Variants in COL25A1 observed in about 807,000 individuals in gnomAD.
The protein encoded by COL25A1 is collagen alpha-1(XXV) chain.
Under a neutral mutation model 128.4 loss-of-function variants are expected in COL25A1, and 103 were observed. The ratio of observed to expected loss-of-function variants is 0.80; its 90% CI spans 0.68 to 0.94. The LOEUF (loss-of-function observed/expected upper bound fraction) is 0.94, where lower values mean the gene tolerates loss of function less well. Ranked by LOEUF, COL25A1 falls within the 40% of genes least tolerant of loss-of-function variation. The pLI, the probability that COL25A1 is intolerant of heterozygous loss-of-function variation, is 0.00. For missense variants in COL25A1, 745 were observed against 840.0 expected, an observed-to-expected ratio of 0.89 and a Z score of 1.40; for synonymous variants, 279 against 277.2, an observed-to-expected ratio of 1.01 and a Z score of -0.06.
chr4:109,134,579 T>C (rs1389739262), intron 3 of COL25A1, among the ~76,000 whole-genome samples: 1 of 152,122 alleles, frequency 6.6e-6, no homozygotes, highest in Non-Finnish European at 1.5e-5. Context: ...AAGCATGACA[T>C]AGCCCTCAGG....
intron 3 of COL25A1, among the ~76,000 whole-genome samples, chr4:109,178,751 C>T (rs1166793559): frequency 6.9e-6 from 1 of 144,880 alleles, no homozygotes; most frequent in African/African-American, 2.6e-5. Context: ...AGGAGAATGG[C>T]GTGAACCCAG....
Position 108,898,985 on chromosome 4 carries a change from A to ACATATCTC in COL25A1, c.861+168_861+169insGAGATATG, listed in dbSNP as rs1553963383. Among the ~76,000 whole-genome samples the ACATATCTC allele has an allele frequency of 9.5e-4, 139 of 146,322 alleles. 1 individual carries two copies. Among genetic ancestry groups the ACATATCTC allele is most frequent in the Middle Eastern group, 6.8e-3 (2 of 292 alleles). On this transcript the variant is annotated intron_variant, in intron 15 of 37. Coordinates refer to ENST00000399132, the MANE Select transcript of COL25A1 (RefSeq NM_198721.4). ...AAACACAGGAGTCATATCTATATCT[A>ACATATCTC]TATATCTATATATCTATATATCTAT...
chr4:108,942,405 C>A (rs2125930493), intron 8 of COL25A1: 1 of 729,558 alleles, frequency 1.4e-6, no homozygotes, highest in East Asian at 2.8e-5. Context: ...TCTGACATAC[C>A]ATAAACAAAA....
chr4:109,143,330 C>T (rs1008742968), intron 3 of COL25A1, among the ~76,000 whole-genome samples: 2 of 152,210 alleles, frequency 1.3e-5, no homozygotes, highest in East Asian at 1.9e-4. Flanking sequence ...TTCTGGCTGC[C>T]CTTAACGTTT....
At chr4:109,188,300 GA>G (rs1183237037) in intron 3 of COL25A1, among the ~76,000 whole-genome samples, 1 of 152,102 alleles carries the variant, frequency 6.6e-6, no homozygotes, top group Non-Finnish European at 1.5e-5. Flanking sequence ...GAGCTAGAAG[GA>G]AACAACTGGA....
At chr4:109,278,151 T>C (rs1194025781) in intron 3 of COL25A1, among the ~76,000 whole-genome samples, 1 of 150,444 alleles carries the variant, frequency 6.6e-6, no homozygotes, top group African/African-American at 2.4e-5. Flanking sequence ...AAAAAAGAAG[T>C]GCTATTACTT....
chr4:109,144,128 G>A (rs1347393949), intron 3 of COL25A1, among the ~76,000 whole-genome samples: 1 of 152,142 alleles, frequency 6.6e-6, no homozygotes, highest in Admixed American at 6.5e-5. Flanking sequence ...CTGTTCCTTA[G>A]TTTTCCTTCT....
At chr4:108,890,359 G>C (rs1390878674) in intron 16 of COL25A1, among the ~76,000 whole-genome samples, 1 of 152,190 alleles carries the variant, frequency 6.6e-6, no homozygotes, top group Admixed American at 6.5e-5. Context: ...GTTACAGGAT[G>C]ATGGATGACT....
chr4:109,218,789 T>C (rs536460137), intron 3 of COL25A1, among the ~76,000 whole-genome samples: 100 of 152,280 alleles, frequency 6.6e-4, no homozygotes, highest in Non-Finnish European at 1.2e-3. Flanking sequence ...GCCATTCTCA[T>C]GGGAGTTTTT....
At chr4:108,860,599 C>T (rs1255350272) in intron 23 of COL25A1, among the ~76,000 whole-genome samples, 2 of 151,834 alleles carry the variant, frequency 1.3e-5, no homozygotes, top group Non-Finnish European at 2.9e-5. Flanking sequence ...AGACACTGAA[C>T]ATATGGGTTA....
At chr4:109,084,064 C>T (rs1764137263) in intron 3 of COL25A1, among the ~76,000 whole-genome samples, 1 of 152,182 alleles carries the variant, frequency 6.6e-6, no homozygotes, top group African/African-American at 2.4e-5. Context: ...CTCTACAAAG[C>T]TTTTTCCTGA....
intron 3 of COL25A1, among the ~76,000 whole-genome samples, chr4:109,234,483 G>C (rs1779346093): frequency 6.6e-6 from 1 of 151,980 alleles, no homozygotes; most frequent in Non-Finnish European, 1.5e-5. Flanking sequence ...AAGGGTTTCT[G>C]GGGGAAAAAA....
chr4:108,990,136 C>T (rs766674100), intron 6 of COL25A1, among the ~76,000 whole-genome samples: 88 of 140,506 alleles, frequency 6.3e-4, no homozygotes, highest in Non-Finnish European at 1.2e-3. Context: ...CGCTTGAATC[C>T]GGGAGGCAGA....
chr4:108,895,316 C>T (rs1158001894), intron 16 of COL25A1, among the ~76,000 whole-genome samples: 3 of 152,142 alleles, frequency 2.0e-5, no homozygotes, highest in Non-Finnish European at 2.9e-5. Flanking sequence ...AACTGTAAGG[C>T]TAAATAAATA....
At chr4:109,088,183 T>A (rs1320938300) in intron 3 of COL25A1, among the ~76,000 whole-genome samples, 1 of 152,084 alleles carries the variant, frequency 6.6e-6, no homozygotes, top group East Asian at 1.9e-4. Context: ...GTCTAGCACT[T>A]GAGAAAGTTG....
chr4:108,901,779 T>C (rs1742880903), intron 13 of COL25A1, among the ~76,000 whole-genome samples: 1 of 152,072 alleles, frequency 6.6e-6, no homozygotes, highest in African/African-American at 2.4e-5. Flanking sequence ...ATGATAGGCT[T>C]TTGGGCAAAA....
chr4:108,893,345 GA>G (rs1368086528), intron 16 of COL25A1, among the ~76,000 whole-genome samples: 1 of 152,148 alleles, frequency 6.6e-6, no homozygotes, highest in East Asian at 1.9e-4. Context: ...TCGCACAGGG[GA>G]AAATAGATAA....
chr4:109,025,896 G>C (rs1220260310), intron 5 of COL25A1, among the ~76,000 whole-genome samples: 3 of 152,058 alleles, frequency 2.0e-5, no homozygotes, highest in Admixed American at 2.0e-4. Context: ...TAGTCAAACA[G>C]CTTCTAAAAG....
intron 3 of COL25A1, among the ~76,000 whole-genome samples, chr4:109,099,656 T>C (rs1407245325): frequency 6.6e-6 from 1 of 151,634 alleles, no homozygotes; most frequent in East Asian, 1.9e-4. Flanking sequence ...TACATTTGAA[T>C]ACATGAAAGT....
Sources: gnomAD v4.1 joint callset for allele counts (sites outside exome capture counted in the v4.1 genomes callset) on GRCh38, gnomAD v4.1.1 for gene constraint, MANE v1.5 for transcripts, NCBI Gene and HGNC (gene_info 2026-07-23, HGNC 2026-07-21) for gene names.